Variants in USP20 observed in about 807,000 individuals in gnomAD.
The protein encoded by USP20 is ubiquitin carboxyl-terminal hydrolase 20.
A neutral mutation model predicts 124.2 loss-of-function variants in USP20; 80 were observed. The ratio of observed to expected loss-of-function variants is 0.64; its 90% CI spans 0.54 to 0.78. USP20 has a LOEUF of 0.78. Among genes scored for constraint, USP20 ranks in the 30% least tolerant of loss-of-function variants. The pLI is 0.00. For synonymous variants in USP20, 481 were observed against 512.3 expected (o/e 0.94, Z 0.83); for missense variants, 1,043 against 1,244.4 (o/e 0.84, Z 2.44).
intron 2 of USP20, among the ~76,000 whole-genome samples, chr9:129,851,545 AAC>A (rs111360192): frequency 0.15 from 22,613 of 152,106 alleles, 2,232 homozygotes; most frequent in African/African-American, 0.27. Context: ...TTGCACTTTT[AAC>A]ACACGTGTAG....
Position 129,876,229 on chromosome 9 carries a change from C to A in USP20, c.2400C>A (p.Thr800=). ...LAKRRRIEID[T]FIKLNKAFQA... ...AGCGCAGGAGGATCGAGATCGACAC[C>A]TTCATCAAGGTGCGTGCGGCGAGGC... Residue 800 remains threonine, a synonymous_variant, in exon 22 of 26, where the codon ACC becomes ACA. Coordinates refer to ENST00000372429, the MANE Select transcript of USP20 (RefSeq NM_001110303.4). 6.2e-7 allele frequency: 1 copy of A among 1,612,162 alleles called. No individual in the cohort carries two copies. Among genetic ancestry groups the A allele is most frequent in the East Asian group, 2.2e-5 (1 of 44,804 alleles).
chr9:129,852,716 T>C, intron 3 of USP20, 80 bp downstream of exon 3: 1 of 1,377,748 alleles, frequency 7.3e-7, no homozygotes, highest in Non-Finnish European at 1.0e-6. Context: ...TCTGAAGCAG[T>C]GGAAAAACTG....
At chr9:129,846,241 ATATATATTTTTT>A (rs2032542351) in intron 1 of USP20, among the ~76,000 whole-genome samples, 1 of 26,494 alleles carries the variant, frequency 3.8e-5, no homozygotes, top group Admixed American at 6.2e-4. Context: ...ATATATATAT[ATATATATTTTTT>A]TTTTTTTTTT....
At chr9:129,854,469 AT>A (rs2033108053) in intron 3 of USP20, among the ~76,000 whole-genome samples, 1 of 152,150 alleles carries the variant, frequency 6.6e-6, no homozygotes, top group Admixed American at 6.6e-5. Context: ...TTACAGAGAA[AT>A]ATGTATTGCA....
At position 129,869,333 on chromosome 9, in the gene USP20, C is replaced by A. The variant is rs367662771; in HGVS notation, c.1300C>A (p.Arg434=). The part of the protein sequence containing the change: ...KKAQVLSAGS[R]RRKEQRYRSV... ...AGCCCAGGTATTGAGTGCTGGCAGCCGGAGGCGGAAGGAGCAGCGCTACCG... is the reference window on the plus strand; with the variant it reads ...AGCCCAGGTATTGAGTGCTGGCAGCAGGAGGCGGAAGGAGCAGCGCTACCG... The change falls in exon 13 of 26, where the codon CGG becomes AGG. Residue 434 remains arginine, a synonymous_variant. Transcript: ENST00000372429. 6.2e-7 allele frequency: 1 copy of A among 1,613,670 alleles called. No individual in the cohort carries two copies. The highest frequency in any genetic ancestry group is 8.5e-7 in the Non-Finnish European group (1 of 1,180,010).
In USP20 at chr9:129,879,727, C is replaced by T; in HGVS notation, c.2584+83C>T. On this transcript the variant is annotated intron_variant, in intron 24 of 25. Transcript: ENST00000372429. This position sits in a 1 kb window ranked among gnomAD's most constrained non-coding sequence, Gnocchi z 4.2. The stretch of plus-strand genomic sequence containing the variant: ...CTGCCCAGTCCCGTCCTTCCAGGAG[C>T]CCCCTTACCACCTGTCTTAGAGTCA... 3.4e-6 allele frequency: 5 copies of T among 1,491,224 alleles called. 1 individual carries two copies. The highest frequency in any genetic ancestry group is 2.3e-5 in the South Asian group (2 of 87,440). The allele number at this position is 1,491,224 out of a possible 1,614,324, so 92.4% of individuals were successfully genotyped here.
chr9:129,846,448 G>A (rs1004461472), intron 1 of USP20, among the ~76,000 whole-genome samples: 3 of 148,896 alleles, frequency 2.0e-5, no homozygotes, highest in Non-Finnish European at 3.0e-5. Context: ...TGTAGAGATG[G>A]GGTTTCACCA....
At chr9:129,840,041 C>A (rs1291902700) in intron 1 of USP20, among the ~76,000 whole-genome samples, 1 of 152,214 alleles carries the variant, frequency 6.6e-6, no homozygotes, top group African/African-American at 2.4e-5. Context: ...CTTCCTCCCC[C>A]CATCCTGTGC....
At chr9:129,878,742 G>A (rs934549292) in intron 23 of USP20, among the ~76,000 whole-genome samples, 6 of 152,172 alleles carry the variant, frequency 3.9e-5, no homozygotes, top group African/African-American at 1.2e-4. Flanking sequence ...TGTGTCGCCC[G>A]AAATGACAGA....
rs1210192319 is a variant in USP20 at position 129,846,730 on chromosome 9, G to A, written c.-128-3083G>A. ...CAACCTCTGCCTCCCAGGTTCAAGC[G>A]ATTCTCCTGCCTCAGCCTCCCTACT... On this transcript the variant is annotated intron_variant, in intron 1 of 25. Coordinates refer to ENST00000372429, the MANE Select transcript of USP20 (RefSeq NM_001110303.4). Among the ~76,000 whole-genome samples the A allele has an allele frequency of 5.3e-5, 8 of 150,802 alleles. No individual in the cohort carries two copies. The East Asian group carries it at 1.6e-3, about 30-fold the overall frequency.
chr9:129,866,424 C>T (rs1368541644), intron 10 of USP20, among the ~76,000 whole-genome samples: 1 of 152,198 alleles, frequency 6.6e-6, no homozygotes, highest in African/African-American at 2.4e-5. Context: ...ACTGTTGTCA[C>T]CCACACGTTA....
intron 3 of USP20, among the ~76,000 whole-genome samples, chr9:129,855,609 G>A (rs7858348): frequency 0.86 from 131,398 of 152,090 alleles, 57,115 homozygotes; most frequent in East Asian, 0.98. Context: ...AAAGAGCAAG[G>A]GTAGCACACA....
At position 129,878,366 on chromosome 9, in the gene USP20, C is replaced by T. The variant is rs771130434; in HGVS notation, c.2438C>T (p.Ser813Leu). The T allele has an allele frequency of 7.5e-6, 12 of 1,603,812 alleles. No homozygotes were observed. The African/African-American group carries it at 1.3e-4, about 18-fold the overall frequency. ...KLNKAFQAEE[S>L]PGVIYCISMQ... The stretch of plus-strand genomic sequence containing the variant: ...AACAAGGCCTTCCAGGCCGAGGAGT[C>T]GCCGGGCGTCATCTACTGCATCAGC... Residue 813 changes from serine (S) to leucine (L), a missense_variant, in exon 23 of 26, where the codon TCG (serine) becomes TTG (leucine). Transcript: ENST00000372429.
chr9:129,875,117 G>A (rs766503261), intron 19 of USP20, among the ~76,000 whole-genome samples, 162 bp downstream of exon 19: 15 of 152,204 alleles, frequency 9.9e-5, no homozygotes, highest in Non-Finnish European at 1.9e-4. Context: ...GGGAACCCAG[G>A]AAGGCAGCTT....
rs1342371389 is a variant in USP20, at chr9:129,861,665, A to T, written c.497+53A>T. The stretch of plus-strand genomic sequence containing the variant: ...AGAGCTGTCCCTGGCAAAGCCCCGG[A>T]AACAGCAGCAGTAGCAGCCCCCAGC... On this transcript the variant is annotated intron_variant, in intron 8 of 25. Transcript: ENST00000372429. 3 of 1,568,108 alleles carry T rather than the reference A, an allele frequency of 1.9e-6. No homozygotes were observed. The African/African-American group carries it at 4.1e-5, about 21-fold the overall frequency.
In USP20 at chr9:129,856,033, T is replaced by G. The variant is rs4837416; in HGVS notation, c.82-274T>G. 4.0e-3 allele frequency among the ~76,000 whole-genome samples: 610 copies of G among 152,322 alleles called. 4 individuals are homozygous for G. The highest frequency in any genetic ancestry group is 0.014 in the African/African-American group (592 of 41,540). ...TCTTACATGATTTTATTTTCCAAGATTAGGTTATAGACACTAAAATCATAA... is the reference window on the plus strand; with the variant it reads ...TCTTACATGATTTTATTTTCCAAGAGTAGGTTATAGACACTAAAATCATAA... On this transcript the variant is annotated intron_variant, in intron 3 of 25. Transcript: ENST00000372429.
At chr9:129,840,177 G>A (rs976562841) in intron 1 of USP20, among the ~76,000 whole-genome samples, 1 of 152,254 alleles carries the variant, frequency 6.6e-6, no homozygotes, top group Non-Finnish European at 1.5e-5. Flanking sequence ...TCTTTCAGCT[G>A]CACAGGTGTC....
In USP20 at chr9:129,869,310, C is replaced by T; in HGVS notation, c.1277C>T (p.Ala426Val). Reference protein sequence around the residue: ...RMAPSYVLKKAQVLSAGSRRR... With the variant: ...RMAPSYVLKKVQVLSAGSRRR... ...GGCTAGTCCTGTGCTGTGTCCCCAG[C>T]CCAGGTATTGAGTGCTGGCAGCCGG... The change falls in exon 13 of 26, where the codon GCC becomes GTC. Residue 426 changes from alanine (A) to valine (V), a missense_variant and splice_region_variant. By Grantham distance (64) the Ala-to-Val change is moderately conservative. Transcript: ENST00000372429. 6.2e-7 allele frequency: 1 copy of T among 1,613,380 alleles called. No individual in the cohort carries two copies. Among genetic ancestry groups the T allele is most frequent in the Non-Finnish European group, 8.5e-7 (1 of 1,179,830 alleles).
intron 1 of USP20, among the ~76,000 whole-genome samples, chr9:129,845,119 T>C (rs2032463194): frequency 6.6e-6 from 1 of 152,190 alleles, no homozygotes; most frequent in Admixed American, 6.5e-5. Flanking sequence ...TTGGCCCCTG[T>C]GAGTCACCTG....
Sources: gnomAD v4.1 joint callset for allele counts (sites outside exome capture counted in the v4.1 genomes callset) on GRCh38, gnomAD v4.1.1 for gene constraint, Gnocchi (gnomAD v3.1) non-coding constraint, MANE v1.5 for transcripts, NCBI Gene and HGNC (gene_info 2026-07-23, HGNC 2026-07-21) for gene names.